Variants in TENM2 observed in about 807,000 individuals in gnomAD.
TENM2 encodes teneurin-2.
TENM2 carries 52 observed loss-of-function variants against 245.2 expected under a neutral mutation model. The observed-to-expected ratio is 0.21, with a 90% CI of 0.17 to 0.27. The LOEUF (loss-of-function observed/expected upper bound fraction) is 0.27. Ranked by LOEUF, TENM2 falls within the 10% of genes least tolerant of loss-of-function variation. TENM2 has a pLI of 1.00. For synonymous variants in TENM2, 1,363 were observed against 1,438.9 expected (o/e 0.95, Z 1.19); for missense variants, 3,046 against 3,666.8 (o/e 0.83, Z 4.37).
At chr5:167,410,508 G>A (rs1483280937) in intron 2 of TENM2, among the ~76,000 whole-genome samples, 1 of 151,050 alleles carries the variant, frequency 6.6e-6, no homozygotes, top group Admixed American at 6.6e-5. Context: ...TTCCAAATAA[G>A]GAATAAATTA....
At chr5:167,470,289 A>G (rs971891549) in intron 2 of TENM2, among the ~76,000 whole-genome samples, 1 of 152,086 alleles carries the variant, frequency 6.6e-6, no homozygotes. Flanking sequence ...TATACTGACA[A>G]ATATAATTGC....
At chr5:168,124,883 G>A in exon 11 of TENM2, 1 of 1,612,976 alleles carries the variant, frequency 6.2e-7, no homozygotes, top group Non-Finnish European at 8.5e-7. Context: ...TCCAGCCACG[G>A]AGTCTGTGTG....
At position 167,356,216 on chromosome 5, in the gene TENM2, A is replaced by AG. The variant is rs1759318153; in HGVS notation, c.227-18982_227-18981insG. 5.2e-5 allele frequency among the ~76,000 whole-genome samples: 7 copies of AG among 134,400 alleles called. 1 individual carries two copies. Among genetic ancestry groups the AG allele is most frequent in the African/African-American group, 2.2e-4 (7 of 31,396 alleles). The allele number at this position is 134,400 out of a possible 152,430, so 88.2% of individuals were successfully genotyped here. On this transcript the variant is annotated intron_variant, in intron 1 of 28. Transcript: ENST00000518659. ...AAAAAAAAAAAAAAAAAAAAAAAAA[A>AG]AAAAATTAAAATTAAAAAAAAGGCA...
chr5:167,735,771 A>G (rs1760751119), intron 2 of TENM2, among the ~76,000 whole-genome samples: 1 of 152,072 alleles, frequency 6.6e-6, no homozygotes, highest in Non-Finnish European at 1.5e-5. Context: ...ATACCACTGC[A>G]CTCCAGCCTG....
chr5:168,038,723 A>G (rs1443752179), intron 5 of TENM2, among the ~76,000 whole-genome samples: 3 of 152,226 alleles, frequency 2.0e-5, no homozygotes, highest in Non-Finnish European at 4.4e-5. Context: ...AACCTGGCAT[A>G]TATATCCCAG....
intron 2 of TENM2, among the ~76,000 whole-genome samples, chr5:167,805,772 C>G (rs972213407): frequency 3.9e-5 from 6 of 152,056 alleles, no homozygotes; most frequent in African/African-American, 1.4e-4. Flanking sequence ...GCATAGCATC[C>G]AGGAACTGGT....
At chr5:167,805,454 A>G (rs1766095094) in intron 2 of TENM2, among the ~76,000 whole-genome samples, 1 of 152,098 alleles carries the variant, frequency 6.6e-6, no homozygotes, top group Admixed American at 6.6e-5. Flanking sequence ...CTTTAAAACT[A>G]TAAGTCCATG....
At chr5:167,308,961 TTAA>T (rs1308284382) in intron 1 of TENM2, among the ~76,000 whole-genome samples, 1 of 144,048 alleles carries the variant, frequency 6.9e-6, no homozygotes, top group Non-Finnish European at 1.5e-5. Flanking sequence ...ACCTTGACAC[TTAA>T]TAAAAGTATC....
intron 6 of TENM2, among the ~76,000 whole-genome samples, chr5:168,059,931 T>C (rs1483666310): frequency 2.0e-5 from 3 of 152,186 alleles, no homozygotes; most frequent in Non-Finnish European, 4.4e-5. Context: ...GTCCCATCTA[T>C]ACACATGAGG....
chr5:167,836,961 A>G (rs537864276), intron 2 of TENM2, among the ~76,000 whole-genome samples: 6 of 152,282 alleles, frequency 3.9e-5, no homozygotes, highest in African/African-American at 1.4e-4. Flanking sequence ...CTAGTAGTAT[A>G]TAAACTACTG....
At chr5:167,595,696 A>G (rs967618928) in intron 2 of TENM2, among the ~76,000 whole-genome samples, 1 of 152,214 alleles carries the variant, frequency 6.6e-6, no homozygotes, top group South Asian at 2.1e-4. Flanking sequence ...AGCCTCTTAT[A>G]TCAAAACATG....
At chr5:167,071,885 C>CCT in the TENM2 span, among the ~76,000 whole-genome samples, 7 of 144,150 alleles carry the variant, frequency 4.9e-5, no homozygotes, top group African/African-American at 7.5e-5. Context: ...ATCGCCCCCC[C>CCT]CCGCCCCCAA....
At chr5:167,216,015 C>G in the TENM2 span, among the ~76,000 whole-genome samples, 1 of 152,170 alleles carries the variant, frequency 6.6e-6, no homozygotes, top group Non-Finnish European at 1.5e-5. Context: ...TTAGAACTTA[C>G]TTTTTATCAC....
At chr5:167,690,967 GTGTA>G (rs1160100336) in intron 2 of TENM2, among the ~76,000 whole-genome samples, 2 of 148,228 alleles carry the variant, frequency 1.3e-5, no homozygotes, top group Admixed American at 6.8e-5. Flanking sequence ...GTGTGTGTGT[GTGTA>G]GAGAGAGAGA....
the TENM2 span, among the ~76,000 whole-genome samples, chr5:167,189,497 C>T: frequency 6.6e-6 from 1 of 151,348 alleles, no homozygotes; most frequent in Admixed American, 6.6e-5. Flanking sequence ...CTTTTTCCTT[C>T]CTTCCTTCCC....
chr5:168,047,761 G>A (rs1051095521), intron 6 of TENM2, among the ~76,000 whole-genome samples: 1 of 152,194 alleles, frequency 6.6e-6, no homozygotes, highest in Non-Finnish European at 1.5e-5. Context: ...CTCAGAGCTG[G>A]CACAGTGCCT....
rs1554170577 is a variant in TENM2 at position 167,532,826 on chromosome 5, G to GTGTATATATATA, written c.502+157354_502+157355insGTATATATATAT. 1.3e-3 allele frequency among the ~76,000 whole-genome samples: 185 copies of GTGTATATATATA among 144,538 alleles called. 1 individual carries two copies. Among genetic ancestry groups the GTGTATATATATA allele is most frequent in the Admixed American group, 3.9e-3 (55 of 14,280 alleles). 94.8% of individuals were successfully genotyped at this position (144,538 alleles called of 152,430 possible). The stretch of plus-strand genomic sequence containing the variant: ...TATTTGTGTGTATGTGTGTGTGTGT[G>GTGTATATATATA]TATATATATATATATATATGCTATC... On this transcript the variant is annotated intron_variant, in intron 2 of 28. Coordinates refer to ENST00000518659, the Ensembl canonical transcript of TENM2.
At chr5:168,047,680 T>C in intron 6 of TENM2, 131 bp downstream of exon 8, 1 of 1,119,926 alleles carries the variant, frequency 8.9e-7, no homozygotes, top group Non-Finnish European at 1.3e-6. Context: ...GGAAAAATCA[T>C]TGCCTTTCAT....
chr5:167,407,762 A>T (rs1452368854), intron 2 of TENM2, among the ~76,000 whole-genome samples: 3 of 152,176 alleles, frequency 2.0e-5, no homozygotes, highest in African/African-American at 4.8e-5. Context: ...GGTTGCAGTG[A>T]GCAGAGATCA....
Sources: allele counts gnomAD v4.1 joint callset (sites outside exome capture counted in the v4.1 genomes callset), GRCh38; gene constraint gnomAD v4.1.1; transcripts MANE v1.5; gene names NCBI Gene and HGNC (gene_info 2026-07-23, HGNC 2026-07-21).